NEGR1: variants seen among roughly 807,000 people sequenced by gnomAD.
NEGR1 encodes IgLON family member 4.
A neutral mutation model predicts 40.9 loss-of-function variants in NEGR1; 10 were observed. The observed-to-expected ratio is 0.24, with a 90% CI of 0.15 to 0.42. NEGR1 has a LOEUF of 0.42. Ranked by LOEUF, NEGR1 falls within the 10% of genes least tolerant of loss-of-function variation. The probability of loss-of-function intolerance (pLI) is 1.00; values close to 1 mark genes in which losing one functional copy is unlikely to be tolerated. For synonymous variants in NEGR1, 185 were observed against 166.8 expected, an observed-to-expected ratio of 1.11 and a Z score of -0.84; for missense variants, 352 against 438.9, an observed-to-expected ratio of 0.80 and a Z score of 1.77.
intron 6 of NEGR1, among the ~76,000 whole-genome samples, chr1:71,421,875 A>C (rs888650555): frequency 6.6e-6 from 1 of 151,928 alleles, no homozygotes; most frequent in Non-Finnish European, 1.5e-5. Flanking sequence ...GCCTTCACCA[A>C]AGAGAGAAAA....
intron 1 of NEGR1, among the ~76,000 whole-genome samples, chr1:72,199,394 G>C (rs903288715): frequency 6.6e-6 from 1 of 151,932 alleles, no homozygotes. Context: ...TGGGCATTGA[G>C]GACAAAGAGC....
At chr1:71,420,835 G>A (rs1412639823) in intron 6 of NEGR1, among the ~76,000 whole-genome samples, 1 of 151,906 alleles carries the variant, frequency 6.6e-6, no homozygotes, top group Non-Finnish European at 1.5e-5. Context: ...GTAGCCAATA[G>A]GAATCTTAAA....
chr1:71,671,925 G>T (rs1461576046), intron 4 of NEGR1, among the ~76,000 whole-genome samples: 1 of 137,630 alleles, frequency 7.3e-6, no homozygotes, highest in Admixed American at 7.7e-5. Flanking sequence ...TTAAGAGACA[G>T]CTCTCATTCT....
rs2101489495 is a variant in NEGR1 at position 71,568,418 on chromosome 1, A to G, written c.940+24399T>C. Among the ~76,000 whole-genome samples the G allele has an allele frequency of 2.6e-5, 4 of 152,286 alleles. No homozygotes were observed. In the South Asian group the frequency reaches 8.3e-4, roughly 32 times the overall value. ...AGGGAGAGAACTTGGGAAAAGCAGG[A>G]AGAAGGCCAGGCTTCCAGGAGTCCC... On this transcript the variant is annotated intron_variant, in intron 6 of 6. Coordinates refer to ENST00000357731, the MANE Select transcript of NEGR1 (RefSeq NM_173808.3).
chr1:71,775,533 A>G (rs1656473859), intron 3 of NEGR1, among the ~76,000 whole-genome samples: 1 of 151,818 alleles, frequency 6.6e-6, no homozygotes, highest in East Asian at 2.0e-4. Flanking sequence ...TTTACTGGAG[A>G]TGGGGTTTCA....
chr1:71,647,853 C>T (rs1355829977), intron 4 of NEGR1, among the ~76,000 whole-genome samples: 1 of 152,010 alleles, frequency 6.6e-6, no homozygotes, highest in Admixed American at 6.6e-5. Flanking sequence ...GCTTGTGACA[C>T]TGTGTAAACT....
chr1:71,888,131 T>C (rs1377821019), intron 2 of NEGR1, among the ~76,000 whole-genome samples: 6 of 152,258 alleles, frequency 3.9e-5, no homozygotes, highest in Middle Eastern at 3.4e-3. Flanking sequence ...AGAGGTTAGA[T>C]GACTCTATTT....
At chr1:71,524,441 T>C (rs964021914) in intron 6 of NEGR1, among the ~76,000 whole-genome samples, 10 of 151,658 alleles carry the variant, frequency 6.6e-5, no homozygotes, top group Admixed American at 2.0e-4. Flanking sequence ...ATCATTACCT[T>C]TTTAATAGTA....
chr1:71,727,211 A>G (rs1654702427), intron 3 of NEGR1, among the ~76,000 whole-genome samples: 1 of 152,074 alleles, frequency 6.6e-6, no homozygotes. Context: ...TCAGTTTCCT[A>G]TCTGGATGCT....
At chr1:72,086,686 C>T (rs112156833) in intron 1 of NEGR1, among the ~76,000 whole-genome samples, 12 of 152,006 alleles carry the variant, frequency 7.9e-5, no homozygotes, top group African/African-American at 2.7e-4. Flanking sequence ...AGTGTTGTTC[C>T]GGTTGATCTG....
intron 2 of NEGR1, among the ~76,000 whole-genome samples, chr1:71,928,131 C>CATATGTGTATATATACACATATGTAT (rs1645801604): frequency 6.1e-4 from 1 of 1,644 alleles, no homozygotes; most frequent in African/African-American, 3.4e-3. Flanking sequence ...TATATACACA[C>CATATGTGTATATATACACATATGTAT]ATATGTATAT....
At position 71,763,889 on chromosome 1, in the gene NEGR1, AAGCCATGTAGGAATCAAAGACAAAGAGG is replaced by A. The variant is rs528040188; in HGVS notation, c.535+12255_535+12282del. ...CCCAATTTTAATATCTAGTTCCTAG[AAGCCATGTAGGAATCAAAGACAAAGAGG>A]AGCATTCATTGGTTCAGCAATCTTT... On this transcript the variant is annotated intron_variant, in intron 3 of 6. Transcript: ENST00000357731. Among the ~76,000 whole-genome samples the A allele has an allele frequency of 6.2e-4, 95 of 152,210 alleles. No individual in the cohort carries two copies. The Middle Eastern group carries it at 0.01, about 16-fold the overall frequency.
intron 3 of NEGR1, among the ~76,000 whole-genome samples, chr1:71,710,478 T>C (rs912860573): frequency 3.9e-5 from 6 of 152,318 alleles, no homozygotes; most frequent in African/African-American, 1.4e-4. Context: ...GCAAACTAAG[T>C]GTCCATCAAC....
Position 72,216,396 on chromosome 1 carries a change from T to TATAC in NEGR1, c.176+65922_176+65923insGTAT, listed in dbSNP as rs1553151239. On this transcript the variant is annotated intron_variant, in intron 1 of 6. Transcript: ENST00000357731. ...TTATATATATATACATATATATATA[T>TATAC]ATATACATATATATATATATGTATA... Among the ~76,000 whole-genome samples, 964 of 139,376 alleles carry TATAC rather than the reference T, an allele frequency of 6.9e-3. 12 individuals are homozygous for TATAC. The highest frequency in any genetic ancestry group is 0.026 in the African/African-American group (888 of 34,306). The allele number at this position is 139,376 out of a possible 152,430, so 91.4% of individuals were successfully genotyped here.
At chr1:72,231,377 C>T (rs1165530580) in intron 1 of NEGR1, among the ~76,000 whole-genome samples, 1 of 152,216 alleles carries the variant, frequency 6.6e-6, no homozygotes, top group South Asian at 2.1e-4. Context: ...ATGAACCTTA[C>T]TCCACCATTC....
At chr1:71,932,446 T>A (rs1348480940) in intron 2 of NEGR1, among the ~76,000 whole-genome samples, 3 of 152,072 alleles carry the variant, frequency 2.0e-5, no homozygotes, top group Non-Finnish European at 4.4e-5. Flanking sequence ...CAGATTAGAA[T>A]GCGGGTTTTC....
chr1:72,008,707 C>T (rs1646630751), intron 1 of NEGR1, among the ~76,000 whole-genome samples: 1 of 151,854 alleles, frequency 6.6e-6, no homozygotes, highest in South Asian at 2.1e-4. Flanking sequence ...TTGAATAGTC[C>T]CATGATTAAT....
At chr1:72,110,221 TAAAAAAAAA>T (rs57618301) in intron 1 of NEGR1, among the ~76,000 whole-genome samples, 2 of 106,988 alleles carry the variant, frequency 1.9e-5, no homozygotes, top group Non-Finnish European at 3.9e-5. Context: ...TAGAGTATAA[TAAAAAAAAA>T]AAAAAAAAAA....
Position 72,027,668 on chromosome 1 carries a change from ATAAAT to A in NEGR1, c.177-92362_177-92358del, listed in dbSNP as rs1324997298. ...AATTTGTTTTTAATGTTAAAGCTATATAAATAATCATTAGTCTGGCTTCAGCTGCC... is the reference window on the plus strand; with the variant it reads ...AATTTGTTTTTAATGTTAAAGCTATAAATCATTAGTCTGGCTTCAGCTGCC... On this transcript the variant is annotated intron_variant, in intron 1 of 6. Coordinates refer to ENST00000357731, the MANE Select transcript of NEGR1 (RefSeq NM_173808.3). 2.0e-4 allele frequency among the ~76,000 whole-genome samples: 31 copies of A among 152,344 alleles called. 1 individual carries two copies. The highest frequency in any genetic ancestry group is 1.9e-3 in the Admixed American group (29 of 15,306).
Sources: gnomAD v4.1 joint callset for allele counts (sites outside exome capture counted in the v4.1 genomes callset) on GRCh38, gnomAD v4.1.1 for gene constraint, MANE v1.5 for transcripts, NCBI Gene and HGNC (gene_info 2026-07-23, HGNC 2026-07-21) for gene names.